Variants in KLHL14 observed in about 807,000 individuals in gnomAD.
KLHL14 encodes the protein kelch like family member 14.
Under a neutral mutation model 64.3 loss-of-function variants are expected in KLHL14, and 22 were observed. The ratio of observed to expected loss-of-function variants is 0.34; its 90% CI spans 0.24 to 0.49. The LOEUF is 0.49. KLHL14 is among the 20% of genes least tolerant of loss of function. The probability of loss-of-function intolerance (pLI) is 0.99; values close to 1 mark genes in which losing one functional copy is unlikely to be tolerated. For synonymous variants in KLHL14, 322 were observed against 333.4 expected (o/e 0.97, Z 0.37); for missense variants, 661 against 789.0 (o/e 0.84, Z 1.94).
intron 3 of KLHL14, among the ~76,000 whole-genome samples, chr18:32,701,713 C>T (rs1391283139): frequency 1.3e-5 from 2 of 152,104 alleles, no homozygotes; most frequent in African/African-American, 4.8e-5. Flanking sequence ...GAGGATCAGG[C>T]AGAGGTTCCT....
In KLHL14 at chr18:32,770,084, T is replaced by A. The variant is rs760670755; in HGVS notation, c.508A>T (p.Thr170Ser). ...TTGAGGAACTGCACGCAGAGCTTGG[T>A]GACCTGGGGGATGTGCAGGATCTTG... is the stretch of plus-strand genomic sequence containing the variant. Reference protein sequence around the residue: ...VSKILHIPQVTKLCVQFLNDQ... With the variant: ...VSKILHIPQVSKLCVQFLNDQ... Residue 170 changes from threonine (T) to serine (S), a missense_variant, in exon 2 of 9, where the codon ACC becomes TCC. Physicochemically the swap from Thr to Ser is moderately conservative, Grantham distance 58. Transcript: ENST00000359358. The surrounding 1 kb of genome is among the most constrained non-coding windows in gnomAD (Gnocchi z 6.7). The A allele has an allele frequency of 1.2e-6, 2 of 1,614,042 alleles. No homozygotes were observed. Among genetic ancestry groups the A allele is most frequent in the East Asian group, 4.5e-5 (2 of 44,844 alleles).
intron 5 of KLHL14, among the ~76,000 whole-genome samples, chr18:32,686,177 A>ATTTTTTTTT (rs148393455): frequency 0.017 from 1,850 of 107,548 alleles, no homozygotes; most frequent in Non-Finnish European, 0.02. Context: ...GTGCCCGGCT[A>ATTTTTTTTT]TTTTTTTTTT....
intron 3 of KLHL14, among the ~76,000 whole-genome samples, chr18:32,727,092 C>T (rs760344679): frequency 3.9e-5 from 6 of 152,084 alleles, no homozygotes; most frequent in Non-Finnish European, 8.8e-5. Context: ...TTATGCAGCC[C>T]GCAATAGAAT....
chr18:32,715,950 T>C (rs2050043212), intron 3 of KLHL14, among the ~76,000 whole-genome samples: 1 of 152,180 alleles, frequency 6.6e-6, no homozygotes, highest in African/African-American at 2.4e-5. Context: ...GAAAGGTCTA[T>C]AGGTGGATCT....
chr18:32,698,158 C>A (rs1393075588), intron 3 of KLHL14, among the ~76,000 whole-genome samples: 1 of 152,164 alleles, frequency 6.6e-6, no homozygotes, highest in South Asian at 2.1e-4. Context: ...GGGTAGTGAA[C>A]AAGAGCAAAC....
chr18:32,698,069 A>T (rs138191489), intron 3 of KLHL14, among the ~76,000 whole-genome samples: 3 of 152,344 alleles, frequency 2.0e-5, no homozygotes, highest in African/African-American at 7.2e-5. Flanking sequence ...AAAAATCTAT[A>T]TTCAATCAAT....
intron 3 of KLHL14, among the ~76,000 whole-genome samples, chr18:32,716,900 A>G (rs1440549434): frequency 6.6e-6 from 1 of 152,130 alleles, no homozygotes; most frequent in Non-Finnish European, 1.5e-5. Flanking sequence ...GTTTAATTTT[A>G]ATTTTCTATT....
At chr18:32,687,088 C>A (rs2049882991) in intron 5 of KLHL14, 67 bp downstream of exon 5, 11 of 1,324,398 alleles carry the variant, frequency 8.3e-6, no homozygotes, top group Non-Finnish European at 1.2e-5. Flanking sequence ...TTACAAAAAA[C>A]CACCTAGCAC....
chr18:32,747,976 A>G (rs2050232101), intron 2 of KLHL14, among the ~76,000 whole-genome samples: 1 of 152,184 alleles, frequency 6.6e-6, no homozygotes, highest in African/African-American at 2.4e-5. Context: ...CTGAGTTCCT[A>G]CTATGTTCCA....
chr18:32,694,138 T>C (rs1568066660), intron 4 of KLHL14, among the ~76,000 whole-genome samples: 1 of 152,230 alleles, frequency 6.6e-6, no homozygotes, highest in Non-Finnish European at 1.5e-5. Context: ...CTATTCTACC[T>C]GCAAAGTGCA....
intron 3 of KLHL14, among the ~76,000 whole-genome samples, chr18:32,704,202 G>C (rs1245555576): frequency 6.6e-6 from 1 of 152,152 alleles, no homozygotes; most frequent in African/African-American, 2.4e-5. Context: ...TGGATGATAT[G>C]GCAACAGGAT....
At position 32,674,793 on chromosome 18, in the gene KLHL14, G is replaced by GC; in HGVS notation, c.1750dup (p.Ala584GlyfsTer59). Reference sequence around the variant, plus strand: ...ATAGCATATTGTAGATGACTTGTAGGCCCCCTGTAATGACAGAGGAGGGAG... The same window carrying GC: ...ATAGCATATTGTAGATGACTTGTAGGCCCCCCTGTAATGACAGAGGAGGGAG... On this transcript the variant is annotated frameshift_variant, in exon 9 of 9. Transcript: ENST00000359358. LOFTEE classifies it high-confidence loss of function. The GC allele has an allele frequency of 1.3e-6, 1 of 780,544 alleles. No homozygotes were observed. Among genetic ancestry groups the GC allele is most frequent in the Non-Finnish European group, 2.4e-6 (1 of 417,802 alleles). 48.4% of individuals were successfully genotyped at this position (780,544 alleles called of 1,614,324 possible). A position where few individuals can be genotyped will look rare whatever the true frequency, so the allele number is the denominator to read the frequency against.
rs190522467 is a variant in KLHL14, at chr18:32,736,428, A to G, written c.1069+5500T>C. On this transcript the variant is annotated intron_variant, in intron 3 of 8. Coordinates refer to ENST00000359358, the MANE Select transcript of KLHL14 (RefSeq NM_020805.3). Reference sequence around the variant, plus strand: ...TCTCCTTCTTTGTCCAAAGCCATGGAAACGATTGCTCCATGCTCTGAAACA... The same window carrying G: ...TCTCCTTCTTTGTCCAAAGCCATGGGAACGATTGCTCCATGCTCTGAAACA... 1.9e-3 allele frequency among the ~76,000 whole-genome samples: 287 copies of G among 152,278 alleles called. 1 individual carries two copies. Among genetic ancestry groups the G allele is most frequent in the Non-Finnish European group, 2.7e-3 (185 of 68,000 alleles).
At chr18:32,771,020 C>T (rs758398012) in intron 1 of KLHL14, 1 of 367,858 alleles carries the variant, frequency 2.7e-6, no homozygotes, top group South Asian at 1.9e-5. Flanking sequence ...GGCTCGTGTC[C>T]ATGCCGGGCC....
intron 2 of KLHL14, among the ~76,000 whole-genome samples, chr18:32,764,142 C>A (rs1245495355): frequency 6.6e-6 from 1 of 152,096 alleles, no homozygotes; most frequent in East Asian, 1.9e-4. Context: ...TGCCCGTTAA[C>A]CTCAGAAAAA....
At chr18:32,768,194 C>T (rs1406950664) in intron 2 of KLHL14, among the ~76,000 whole-genome samples, 2 of 152,126 alleles carry the variant, frequency 1.3e-5, no homozygotes, top group Admixed American at 1.3e-4. Flanking sequence ...GTCCTATTAT[C>T]ATCTTTTGAC....
chr18:32,716,765 A>G (rs773243810), intron 3 of KLHL14, among the ~76,000 whole-genome samples: 1 of 152,156 alleles, frequency 6.6e-6, no homozygotes. Flanking sequence ...TTCATTTCAT[A>G]TAGTTGATAT....
At chr18:32,759,222 A>G (rs764346125) in intron 2 of KLHL14, among the ~76,000 whole-genome samples, 4 of 152,208 alleles carry the variant, frequency 2.6e-5, no homozygotes, top group Non-Finnish European at 5.9e-5. Flanking sequence ...TGGGATCTAT[A>G]TATCACTCAA....
chr18:32,687,502 TACCAA>T (rs2144476176), intron 4 of KLHL14, among the ~76,000 whole-genome samples: 1 of 152,312 alleles, frequency 6.6e-6, no homozygotes, highest in South Asian at 2.1e-4. Context: ...CAACTACATT[TACCAA>T]ACTGGCTTTT....
Sources: allele counts gnomAD v4.1 joint callset (sites outside exome capture counted in the v4.1 genomes callset), GRCh38; gene constraint gnomAD v4.1.1; non-coding constraint Gnocchi (gnomAD v3.1); transcripts MANE v1.5; gene names NCBI Gene and HGNC (gene_info 2026-07-23, HGNC 2026-07-21).